The following SCAPER variants were observed in gnomAD, a reference collection of about 807,000 sequenced individuals.
The protein encoded by SCAPER is S-phase cyclin A associated protein in the ER, also known as S phase cyclin A-associated protein in the endoplasmic reticulum.
SCAPER carries 98 observed loss-of-function variants against 182.2 expected under a neutral mutation model. That is an observed-to-expected ratio of 0.54 (90% CI 0.46 to 0.64). The LOEUF (loss-of-function observed/expected upper bound fraction) is 0.64, where lower values mean the gene tolerates loss of function less well. Among genes scored for constraint, SCAPER ranks in the 30% least tolerant of loss-of-function variants. The probability of loss-of-function intolerance (pLI) is 0.00; values close to 1 mark genes in which losing one functional copy is unlikely to be tolerated. For synonymous variants in SCAPER, 605 were observed against 564.6 expected (o/e 1.07, Z -1.01); for missense variants, 1,432 against 1,690.0 (o/e 0.85, Z 2.68).
intron 25 of SCAPER, among the ~76,000 whole-genome samples, chr15:76,454,404 G>A (rs1347978480): frequency 6.6e-6 from 1 of 151,922 alleles, no homozygotes; most frequent in Non-Finnish European, 1.5e-5. Context: ...ATAATTTAAC[G>A]GGAATAATAT....
intron 22 of SCAPER, among the ~76,000 whole-genome samples, chr15:76,615,722 A>G (rs1031381745): frequency 3.3e-5 from 5 of 151,182 alleles, no homozygotes; most frequent in African/African-American, 4.9e-5. Flanking sequence ...CGAGAGGCAG[A>G]GGCAGGAGAA....
intron 17 of SCAPER, among the ~76,000 whole-genome samples, chr15:76,725,947 T>C (rs1339666111): frequency 2.2e-5 from 3 of 137,790 alleles, no homozygotes; most frequent in African/African-American, 7.5e-5. Flanking sequence ...TTATTGAATA[T>C]GACAAAAAAA....
intron 16 of SCAPER, among the ~76,000 whole-genome samples, chr15:76,732,465 GAAGAC>G (rs1476894283): frequency 6.6e-6 from 1 of 152,150 alleles, no homozygotes; most frequent in Non-Finnish European, 1.5e-5. Flanking sequence ...GAAGTGACCA[GAAGAC>G]AAGAGTGAGA....
chr15:76,629,476 T>C (rs1021382042), intron 21 of SCAPER, among the ~76,000 whole-genome samples: 3 of 152,236 alleles, frequency 2.0e-5, no homozygotes, highest in African/African-American at 7.2e-5. Flanking sequence ...TGAAGGGATA[T>C]TGAATTTTAT....
rs147051695 is a variant in SCAPER at position 76,782,328 on chromosome 15, A to G, written c.773-7211T>C. Reference sequence around the variant, plus strand: ...CTAGTAAAGGGATCAATTCAACAAGAAGAGCTAACTATCCTAAATATATAT... The same window carrying G: ...CTAGTAAAGGGATCAATTCAACAAGGAGAGCTAACTATCCTAAATATATAT... On this transcript the variant is annotated intron_variant, in intron 8 of 31. Coordinates refer to ENST00000563290, the MANE Select transcript of SCAPER (RefSeq NM_020843.4). Among the ~76,000 whole-genome samples the G allele has an allele frequency of 7.7e-3, 1,176 of 152,342 alleles. 13 individuals carry two copies. Among genetic ancestry groups the G allele is most frequent in the African/African-American group, 0.027 (1,128 of 41,570 alleles).
rs2040821383 is a variant in SCAPER at position 76,354,470 on chromosome 15, C to A, written c.3856-330G>T. 1 of 252,348 alleles carries A rather than the reference C, an allele frequency of 4.0e-6. No homozygotes were observed. The highest frequency in any genetic ancestry group is 7.5e-6 in the Non-Finnish European group (1 of 133,252). The allele number at this position is 252,348 out of a possible 1,614,324, so 15.6% of individuals were successfully genotyped here. ...TTGCTTTAACAAAGTGCTCCCCACA[C>A]CCCCTTAAAGCAGAGTAGTCATATT... On this transcript the variant is annotated intron_variant, in intron 29 of 31. Transcript: ENST00000563290. This position sits in a 1 kb window ranked among gnomAD's most constrained non-coding sequence, Gnocchi z 4.4.
At chr15:76,607,520 T>C (rs2050546049) in intron 22 of SCAPER, among the ~76,000 whole-genome samples, 1 of 152,232 alleles carries the variant, frequency 6.6e-6, no homozygotes, top group South Asian at 2.1e-4. Flanking sequence ...TTGAGGATTA[T>C]CTTTGTGGCA....
intron 23 of SCAPER, among the ~76,000 whole-genome samples, chr15:76,530,373 A>C (rs745555401): frequency 2.0e-5 from 3 of 152,134 alleles, no homozygotes; most frequent in African/African-American, 7.2e-5. Context: ...CAGGCATCCA[A>C]TTTACTTTTT....
intron 5 of SCAPER, among the ~76,000 whole-genome samples, chr15:76,819,640 C>CA (rs1229700005): frequency 1.3e-5 from 2 of 152,180 alleles, no homozygotes; most frequent in African/African-American, 2.4e-5. Context: ...AGGGAAAAAA[C>CA]AGAGTAGAAA....
chr15:76,394,652 T>C (rs774475272), intron 27 of SCAPER, among the ~76,000 whole-genome samples: 1 of 152,226 alleles, frequency 6.6e-6, no homozygotes, highest in Non-Finnish European at 1.5e-5. Context: ...AATATGGTTC[T>C]TAGCAGGTCA....
intron 21 of SCAPER, among the ~76,000 whole-genome samples, chr15:76,625,393 G>T (rs1361915091): frequency 6.6e-6 from 1 of 152,188 alleles, no homozygotes; most frequent in African/African-American, 2.4e-5. Flanking sequence ...CACAGGGGTG[G>T]CTGCTGTTGG....
At chr15:76,610,195 C>T (rs972330898) in intron 22 of SCAPER, among the ~76,000 whole-genome samples, 1 of 152,094 alleles carries the variant, frequency 6.6e-6, no homozygotes, top group Non-Finnish European at 1.5e-5. Flanking sequence ...CATCACTGAC[C>T]CCACAGTTTA....
At chr15:76,361,388 A>T (rs138996441) in intron 29 of SCAPER, among the ~76,000 whole-genome samples, 103 of 152,340 alleles carry the variant, frequency 6.8e-4, no homozygotes, top group African/African-American at 2.3e-3. Flanking sequence ...TGGGAATGGA[A>T]TACTGAACAA....
At chr15:76,361,492 C>A (rs2041417071) in intron 29 of SCAPER, among the ~76,000 whole-genome samples, 1 of 152,224 alleles carries the variant, frequency 6.6e-6, no homozygotes, top group African/African-American at 2.4e-5. Flanking sequence ...CCAACTCAAT[C>A]TACCAAGTCA....
chr15:76,873,327 AAGGAAGGCAGGC>A (rs71143369), intron 2 of SCAPER, among the ~76,000 whole-genome samples: 3,501 of 101,844 alleles, frequency 0.034, 65 homozygotes, highest in Non-Finnish European at 0.048. Flanking sequence ...GGAAGGAAGG[AAGGAAGGCAGGC>A]AGGCAGGCAG....
At chr15:76,715,600 T>TA (rs998620854) in intron 17 of SCAPER, among the ~76,000 whole-genome samples, 2 of 151,988 alleles carry the variant, frequency 1.3e-5, no homozygotes, top group African/African-American at 2.4e-5. Context: ...CCCAGCCTCA[T>TA]AGAGCCTGGG....
At chr15:76,868,354 T>C (rs903526244) in intron 2 of SCAPER, among the ~76,000 whole-genome samples, 4 of 151,874 alleles carry the variant, frequency 2.6e-5, no homozygotes, top group African/African-American at 9.7e-5. Flanking sequence ...GATCGCATCA[T>C]TGCACTCCAG....
At position 76,554,789 on chromosome 15, in the gene SCAPER, T is replaced by C. The variant is rs112744683; in HGVS notation, c.2838+19369A>G. Among the ~76,000 whole-genome samples, 188 of 53,854 alleles carry C rather than the reference T, an allele frequency of 3.5e-3. 3 individuals carry two copies. The highest frequency in any genetic ancestry group is 0.013 in the Middle Eastern group (1 of 78). The allele number at this position is 53,854 out of a possible 152,430, so 35.3% of individuals were successfully genotyped here. A position where few individuals can be genotyped will look rare whatever the true frequency, so the allele number is the denominator to read the frequency against. ...GATTGGGGGCCTATATTCAGCATTCTTTTTTTTTTTTTTTTGAGACAGAGT... is the reference window on the plus strand; with the variant it reads ...GATTGGGGGCCTATATTCAGCATTCCTTTTTTTTTTTTTTTGAGACAGAGT... On this transcript the variant is annotated intron_variant, in intron 23 of 31. Coordinates refer to ENST00000563290, the MANE Select transcript of SCAPER (RefSeq NM_020843.4).
chr15:76,837,266 A>G (rs895429192), intron 5 of SCAPER, among the ~76,000 whole-genome samples: 2 of 152,234 alleles, frequency 1.3e-5, no homozygotes, highest in Non-Finnish European at 2.9e-5. Flanking sequence ...TAACACAGCC[A>G]ACGAGCATAT....
Sources: allele counts gnomAD v4.1 joint callset (sites outside exome capture counted in the v4.1 genomes callset), GRCh38; gene constraint gnomAD v4.1.1; non-coding constraint Gnocchi (gnomAD v3.1); transcripts MANE v1.5; gene names NCBI Gene and HGNC (gene_info 2026-07-23, HGNC 2026-07-21).